GADL1: variants seen among roughly 807,000 people sequenced by gnomAD.
The protein encoded by GADL1 is GAD like acidic amino acid decarboxylase 1.
A neutral mutation model predicts 69.5 loss-of-function variants in GADL1; 71 were observed. The observed-to-expected ratio is 1.02, with a 90% confidence interval of 0.84 to 1.25. GADL1 has a LOEUF of 1.25. Among genes scored for constraint, GADL1 ranks in the 50% most tolerant of loss-of-function variants. GADL1 has a pLI of 0.00. For synonymous variants in GADL1, 254 were observed against 214.4 expected (o/e 1.18, Z -1.62); for missense variants, 737 against 631.8 (o/e 1.17, Z -1.79).
chr3:30,817,618 C>G (rs1489700527), intron 11 of GADL1, among the ~76,000 whole-genome samples: 1 of 152,158 alleles, frequency 6.6e-6, no homozygotes, highest in Non-Finnish European at 1.5e-5. Flanking sequence ...CTGGTTCACA[C>G]TAGCTCTGAA....
chr3:30,767,706 T>G (rs893332303), intron 14 of GADL1, among the ~76,000 whole-genome samples: 1 of 152,116 alleles, frequency 6.6e-6, no homozygotes, highest in African/African-American at 2.4e-5. Context: ...GAATAAATTA[T>G]GAAGGAAAAG....
chr3:30,753,905 T>C (rs1359249018), intron 14 of GADL1, among the ~76,000 whole-genome samples: 1 of 152,178 alleles, frequency 6.6e-6, no homozygotes, highest in African/African-American at 2.4e-5. Flanking sequence ...AACTAGACCA[T>C]TGATGAATCC....
chr3:30,749,330 G>T (rs1695763481), intron 14 of GADL1, among the ~76,000 whole-genome samples: 1 of 152,308 alleles, frequency 6.6e-6, no homozygotes, highest in Admixed American at 6.5e-5. Flanking sequence ...GGAACACAGT[G>T]ACCTCCCATT....
At chr3:30,870,304 A>G (rs947069963) in intron 1 of GADL1, among the ~76,000 whole-genome samples, 2 of 151,870 alleles carry the variant, frequency 1.3e-5, no homozygotes, top group Non-Finnish European at 2.9e-5. Flanking sequence ...ATTGAGTTGT[A>G]AAAGAGAAGG....
intron 14 of GADL1, among the ~76,000 whole-genome samples, chr3:30,764,329 T>TC (rs1696216035): frequency 6.6e-6 from 1 of 151,934 alleles, no homozygotes; most frequent in Non-Finnish European, 1.5e-5. Context: ...GTGTGTAGAC[T>TC]CTAAGAGAAA....
At position 30,784,535 on chromosome 3, in the gene GADL1, T is replaced by C. The variant is rs185311547; in HGVS notation, c.1302+1820A>G. Among the ~76,000 whole-genome samples the C allele has an allele frequency of 1.4e-3, 214 of 152,356 alleles. 1 individual carries two copies. The highest frequency in any genetic ancestry group is 5.0e-3 in the African/African-American group (207 of 41,586). On this transcript the variant is annotated intron_variant, in intron 13 of 14. Coordinates refer to ENST00000282538, the MANE Select transcript of GADL1 (RefSeq NM_207359.3). ...CTAGCACTTTGGAAGCTTAGAACTTTCTAGTCTGATGCTTCCTTTGTAGAT... is the reference window on the plus strand; with the variant it reads ...CTAGCACTTTGGAAGCTTAGAACTTCCTAGTCTGATGCTTCCTTTGTAGAT...
At chr3:30,880,029 AG>A (rs55639834) in intron 1 of GADL1, among the ~76,000 whole-genome samples, 38,859 of 151,726 alleles carry the variant, frequency 0.26, 6,189 homozygotes, top group East Asian at 0.5. Context: ...GCATAAAGGA[AG>A]GAGGTATTCA....
chr3:30,886,356 G>C (rs1278603866), intron 1 of GADL1, among the ~76,000 whole-genome samples: 1 of 152,102 alleles, frequency 6.6e-6, no homozygotes, highest in Non-Finnish European at 1.5e-5. Flanking sequence ...AAAAGACAAG[G>C]TGTTGATTTC....
At position 30,791,181 on chromosome 3, in the gene GADL1, T is replaced by TA. The variant is rs568092708; in HGVS notation, c.1251-4776dup. On this transcript the variant is annotated intron_variant, in intron 12 of 14. Transcript: ENST00000282538. ...CTTATATAGTTTTTGAAAAAGAACT[T>TA]AAAAATACAAAACAAATAGATGAAT... Among the ~76,000 whole-genome samples the TA allele has an allele frequency of 1.4e-4, 21 of 152,212 alleles. No individual in the cohort carries two copies. The East Asian group carries it at 3.7e-3, about 27-fold the overall frequency.
At chr3:30,762,937 GTAT>G (rs1696177298) in intron 14 of GADL1, among the ~76,000 whole-genome samples, 1 of 152,140 alleles carries the variant, frequency 6.6e-6, no homozygotes, top group Non-Finnish European at 1.5e-5. Flanking sequence ...TGGTTGACTA[GTAT>G]TCCATTGTGT....
intron 14 of GADL1, among the ~76,000 whole-genome samples, chr3:30,766,174 C>T (rs1427515204): frequency 6.6e-6 from 1 of 152,038 alleles, no homozygotes; most frequent in Non-Finnish European, 1.5e-5. Flanking sequence ...CTGAGGCCTC[C>T]AGGAGGAAAT....
intron 11 of GADL1, among the ~76,000 whole-genome samples, chr3:30,815,931 A>G (rs1487467026): frequency 6.6e-6 from 1 of 152,060 alleles, no homozygotes; most frequent in African/African-American, 2.4e-5. Flanking sequence ...TATGAGCTTC[A>G]TGGCCGTGAG....
chr3:30,828,262 T>C (rs1369448230), intron 11 of GADL1, among the ~76,000 whole-genome samples: 1 of 151,886 alleles, frequency 6.6e-6, no homozygotes, highest in African/African-American at 2.4e-5. Context: ...ATATCAATCA[T>C]TCAGAACAGA....
chr3:30,827,744 TTATC>T (rs1488900061), intron 11 of GADL1, among the ~76,000 whole-genome samples: 4 of 151,908 alleles, frequency 2.6e-5, no homozygotes, highest in African/African-American at 4.8e-5. Flanking sequence ...TTAAGAGTAT[TTATC>T]AATCAGGAAT....
At chr3:30,768,034 T>TCCC (rs1696324410) in intron 14 of GADL1, among the ~76,000 whole-genome samples, 1 of 26,418 alleles carries the variant, frequency 3.8e-5, no homozygotes, top group Non-Finnish European at 7.1e-5. Context: ...TAACTCCCCA[T>TCCC]ACCCCCCCCC....
intron 12 of GADL1, among the ~76,000 whole-genome samples, chr3:30,790,879 T>C (rs779402881): frequency 6.6e-6 from 1 of 152,122 alleles, no homozygotes; most frequent in Non-Finnish European, 1.5e-5. Flanking sequence ...CATAATGTAA[T>C]ATGCAGCTAT....
rs571392106 is a variant in GADL1 at position 30,775,518 on chromosome 3, GAAT to G, written c.1392+2658_1392+2660del. Among the ~76,000 whole-genome samples the G allele has an allele frequency of 3.2e-3, 487 of 152,232 alleles. 2 individuals carry two copies. The highest frequency in any genetic ancestry group is 0.011 in the African/African-American group (451 of 41,548). On this transcript the variant is annotated intron_variant, in intron 14 of 14. Coordinates refer to ENST00000282538, the MANE Select transcript of GADL1 (RefSeq NM_207359.3). ...GCACACTTCCTGACTTGCAGGGAGA[GAAT>G]GATAGGAAATTAAGAAACTCAGAAC...
At chr3:30,816,544 T>G (rs1244365089) in intron 11 of GADL1, among the ~76,000 whole-genome samples, 1 of 67,816 alleles carries the variant, frequency 1.5e-5, no homozygotes, top group African/African-American at 6.1e-5. Context: ...TTTTTTTTTT[T>G]TTTTTTTTTT....
intron 1 of GADL1, among the ~76,000 whole-genome samples, chr3:30,865,344 C>G (rs545335774): frequency 6.6e-6 from 1 of 151,428 alleles, no homozygotes; most frequent in Admixed American, 6.6e-5. Context: ...AAAGGTTAAG[C>G]TCTGTGAGAG....
Sources: gnomAD v4.1 joint callset for allele counts (sites outside exome capture counted in the v4.1 genomes callset) on GRCh38, gnomAD v4.1.1 for gene constraint, MANE v1.5 for transcripts, NCBI Gene and HGNC (gene_info 2026-07-23, HGNC 2026-07-21) for gene names.